The following HIF3A variants were observed in gnomAD, a reference collection of about 807,000 sequenced individuals.
HIF3A encodes the protein hypoxia-inducible factor 3-alpha.
Under a neutral mutation model 67.2 loss-of-function variants are expected in HIF3A, and 41 were observed. That is an observed-to-expected ratio of 0.61 (90% CI 0.48 to 0.79). The LOEUF (loss-of-function observed/expected upper bound fraction) is 0.79. Among genes scored for constraint, HIF3A ranks in the 30% least tolerant of loss-of-function variants. The probability of loss-of-function intolerance (pLI) is 0.00; values close to 1 mark genes in which losing one functional copy is unlikely to be tolerated. For missense variants in HIF3A, 855 were observed against 898.0 expected (o/e 0.95, Z 0.61); for synonymous variants, 356 against 374.8 (o/e 0.95, Z 0.58).
At chr19:46,333,012 A>ATATATATGTATATATGTGTG (rs1568546147) in intron 13 of HIF3A, among the ~76,000 whole-genome samples, 1 of 150,858 alleles carries the variant, frequency 6.6e-6, no homozygotes, top group East Asian at 1.9e-4. Flanking sequence ...CTCTCTCTAT[A>ATATATATGTATATATGTGTG]TATATATATG....
chr19:46,325,336 C>T (rs1422147134), intron 10 of HIF3A, among the ~76,000 whole-genome samples, 199 bp from the exon 11 acceptor site: 3 of 152,042 alleles, frequency 2.0e-5, no homozygotes, highest in African/African-American at 7.2e-5. Flanking sequence ...ATGTTTGCCC[C>T]ATCCATCTAT....
chr19:46,310,581 T>G, intron 6 of HIF3A: 1 of 456,204 alleles, frequency 2.2e-6, no homozygotes, highest in Non-Finnish European at 4.4e-6. Flanking sequence ...AGTGTCAGTC[T>G]TGGCTGTGTA....
intron 10 of HIF3A, among the ~76,000 whole-genome samples, chr19:46,324,301 C>T (rs1448231795): frequency 1.3e-5 from 2 of 152,152 alleles, no homozygotes; most frequent in South Asian, 2.1e-4. Context: ...TGGCACCTAT[C>T]GGTGCTCAAC....
At chr19:46,299,506 G>A (rs1968144419) in intron 1 of HIF3A, among the ~76,000 whole-genome samples, 2 of 152,150 alleles carry the variant, frequency 1.3e-5, no homozygotes, top group East Asian at 1.9e-4. Flanking sequence ...GATTGCTTGA[G>A]TTCAAGACCA....
Position 46,342,821 on chromosome 19 carries a change from A to G in HIF3A, c.*3199A>G, listed in dbSNP as rs4803932. The G allele has an allele frequency of 0.96, 145,959 of 152,268 alleles. 70,005 individuals carry two copies. The highest frequency in any genetic ancestry group is 1 in the East Asian group (5,172 of 5,172). 9.4% of individuals were successfully genotyped at this position (152,268 alleles called of 1,614,324 possible). A position where few individuals can be genotyped will look rare whatever the true frequency, so the allele number is the denominator to read the frequency against. On this transcript the variant is annotated 3_prime_UTR_variant, in exon 15 of 15. Transcript: ENST00000377670. ...TTCAGTCTTAAGTTTTCCCATTCTA[A>G]ACCCCTACCCTCTAGGCTGTGCTGC...
intron 6 of HIF3A, among the ~76,000 whole-genome samples, chr19:46,310,047 A>G (rs1969291962): frequency 6.6e-6 from 1 of 152,318 alleles, no homozygotes; most frequent in South Asian, 2.1e-4. Context: ...CAACATGGTG[A>G]AACCCCAACT....
intron 2 of HIF3A, chr19:46,304,935 G>T (rs1179214782): frequency 6.9e-6 from 3 of 437,872 alleles, no homozygotes; most frequent in Non-Finnish European, 1.3e-5. Context: ...TTGACCCTGG[G>T]GAGTTCCATC....
chr19:46,331,128 C>T (rs1040957372), intron 12 of HIF3A, 28 bp from the exon 13 acceptor site: 2 of 1,581,600 alleles, frequency 1.3e-6, no homozygotes, highest in African/African-American at 2.7e-5. Flanking sequence ...TTTGCTGTGT[C>T]CTGAGATTCT....
chr19:46,301,833 A>G (rs1026955160), intron 1 of HIF3A, among the ~76,000 whole-genome samples: 1 of 144,062 alleles, frequency 6.9e-6, no homozygotes, highest in African/African-American at 2.5e-5. Flanking sequence ...AAAAAAAAAA[A>G]AAATTAAAAA....
chr19:46,314,644 G>A (rs758197057), intron 8 of HIF3A, among the ~76,000 whole-genome samples: 3 of 146,452 alleles, frequency 2.0e-5, no homozygotes, highest in East Asian at 4.5e-4. Flanking sequence ...TTCAACTTCC[G>A]CCTCCCGGGT....
intron 10 of HIF3A, among the ~76,000 whole-genome samples, chr19:46,324,985 T>TTGTGTGTGTGTGTGTGTGTGTG (rs542186240): frequency 1.6e-5 from 2 of 127,916 alleles, no homozygotes; most frequent in African/African-American, 5.9e-5. Context: ...CACACATATA[T>TTGTGTGTGTGTGTGTGTGTGTG]TGTGTGTGTG....
chr19:46,305,493 A>G lies in HIF3A; in HGVS notation c.363+103A>G. 3 of 1,116,040 alleles carry G rather than the reference A, an allele frequency of 2.7e-6. No homozygotes were observed. In the South Asian group the frequency reaches 4.3e-5, roughly 16 times the overall value. The allele number at this position is 1,116,040 out of a possible 1,614,324, so 69.1% of individuals were successfully genotyped here. A position where few individuals can be genotyped will look rare whatever the true frequency, so the allele number is the denominator to read the frequency against. Reference sequence around the variant, plus strand: ...GCCCTACCTTTATGGGACTCACAATACAAAGGGGATATAGGTATGTCACTA... The same window carrying G: ...GCCCTACCTTTATGGGACTCACAATGCAAAGGGGATATAGGTATGTCACTA... On this transcript the variant is annotated intron_variant, in intron 3 of 14. Transcript: ENST00000377670.
Position 46,329,466 on chromosome 19 carries a change from G to A in HIF3A, c.1700G>A (p.Gly567Glu), listed in dbSNP as rs745962165. 3 of 1,520,952 alleles carry A rather than the reference G, an allele frequency of 2.0e-6. No homozygotes were observed. The highest frequency in any genetic ancestry group is 2.6e-6 in the Non-Finnish European group (3 of 1,133,398). 94.2% of individuals were successfully genotyped at this position (1,520,952 alleles called of 1,614,324 possible). A position where few individuals can be genotyped will look rare whatever the true frequency, so the allele number is the denominator to read the frequency against. Residue 567 changes from glycine (G) to glutamate (E), a missense_variant, in exon 12 of 15, where the codon GGG (glycine) becomes GAG (glutamate). Transcript: ENST00000377670. Reference sequence around the variant, plus strand: ...CCCTCAGCATCCTCTCCCATGGCTGGGGCTCGGAAGAGGTGAGCCACAGTA... The same window carrying A: ...CCCTCAGCATCCTCTCCCATGGCTGAGGCTCGGAAGAGGTGAGCCACAGTA... ...GDPSASSPMA[G>E]ARKRTLAQSS...
At chr19:46,339,410 G>A (rs377217173) in intron 14 of HIF3A, 115 bp from the exon 15 acceptor site, 2 of 686,404 alleles carry the variant, frequency 2.9e-6, no homozygotes, top group African/African-American at 3.7e-5. Context: ...CTTTGTTCGA[G>A]TGTTCAATTT....
At chr19:46,324,083 G>T (rs1970584267) in intron 10 of HIF3A, among the ~76,000 whole-genome samples, 2 of 152,156 alleles carry the variant, frequency 1.3e-5, no homozygotes, top group Non-Finnish European at 1.5e-5. Context: ...TGACCTCAAA[G>T]AGTCAAAGTG....
chr19:46,306,859 A>G (rs1364917050), intron 3 of HIF3A, among the ~76,000 whole-genome samples: 1 of 152,140 alleles, frequency 6.6e-6, no homozygotes, highest in African/African-American at 2.4e-5. Flanking sequence ...CTCTTTCCCT[A>G]TTCACCAGCA....
intron 1 of HIF3A, among the ~76,000 whole-genome samples, chr19:46,298,834 C>T (rs1438779540): frequency 6.6e-6 from 1 of 152,282 alleles, no homozygotes; most frequent in South Asian, 2.1e-4. Context: ...GGCATCCTTG[C>T]CCAGCTACAA....
chr19:46,308,336 A>T, intron 4 of HIF3A, 31 bp downstream of exon 4: 1 of 1,390,996 alleles, frequency 7.2e-7, no homozygotes, highest in East Asian at 2.3e-5. Context: ...TGTCCCCACC[A>T]TACAGAGGAG....
chr19:46,303,939 C>T lies in HIF3A; in HGVS notation c.68C>T (p.Ala23Val), dbSNP rs1219498434. 1.9e-6 allele frequency: 3 copies of T among 1,608,164 alleles called. No homozygotes were observed. The highest frequency in any genetic ancestry group is 2.5e-6 in the Non-Finnish European group (3 of 1,177,912). ...CGCAAGGAAAAGTCCCGGGATGCGG[C>T]CCGCAGCCGGCGCAGCCAGGAGACC... ...ELRKEKSRDA[A>V]RSRRSQETEV... is the part of the protein sequence containing the mutation. The change falls in exon 2 of 15, where the codon GCC becomes GTC. Residue 23 changes from alanine to valine, a missense_variant. Around this residue, in one of 3 missense-constraint regions of HIF3A, gnomAD observed 638 missense variants for 660.5 expected, o/e 0.97. Transcript: ENST00000377670.
Sources: gnomAD v4.1 joint callset for allele counts (sites outside exome capture counted in the v4.1 genomes callset) on GRCh38, gnomAD v4.1.1 for gene constraint, gnomAD v4.1.1 regional missense constraint, MANE v1.5 for transcripts, NCBI Gene and HGNC (gene_info 2026-07-23, HGNC 2026-07-21) for gene names.